RASGEF1C: variants seen among roughly 807,000 people sequenced by gnomAD.
The protein encoded by RASGEF1C is ras-GEF domain-containing family member 1C.
Under a neutral mutation model 58.1 loss-of-function variants are expected in RASGEF1C, and 27 were observed. The ratio of observed to expected loss-of-function variants is 0.46; its 90% CI spans 0.34 to 0.64. The LOEUF is 0.64. RASGEF1C is among the 30% of genes least tolerant of loss of function. The pLI is 0.01. For synonymous variants in RASGEF1C, 243 were observed against 246.3 expected (o/e 0.99, Z 0.13); for missense variants, 502 against 605.1 (o/e 0.83, Z 1.79).
intron 8 of RASGEF1C, 74 bp from the exon 9 acceptor site, chr5:180,118,940 A>G (rs539557701): frequency 1.4e-6 from 2 of 1,384,818 alleles, no homozygotes; most frequent in African/African-American, 2.8e-5. Context: ...ACCCCCTTGG[A>G]CTGCACCCTG....
At chr5:180,170,673 T>C (rs1767095115) in intron 1 of RASGEF1C, among the ~76,000 whole-genome samples, 1 of 152,164 alleles carries the variant, frequency 6.6e-6, no homozygotes, top group Non-Finnish European at 1.5e-5. Context: ...GAGCCACACC[T>C]GGCCCCCCAG....
chr5:180,171,670 C>T (rs1042703758), intron 1 of RASGEF1C, among the ~76,000 whole-genome samples: 1 of 152,220 alleles, frequency 6.6e-6, no homozygotes, highest in African/African-American at 2.4e-5. Flanking sequence ...GCAAAAATAG[C>T]CAGTTCTGTC....
rs763304182 is a variant in RASGEF1C at position 180,119,304 on chromosome 5, G to C, written c.907+42C>G. The stretch of plus-strand genomic sequence containing the variant: ...CTGCACCCACTCCGGCCTCTCGGGG[G>C]ACCCGTGCACTGGGGGCCACAGGCC... On this transcript the variant is annotated intron_variant, in intron 8 of 13. Transcript: ENST00000361132. 5.9e-6 allele frequency: 9 copies of C among 1,518,242 alleles called. No individual in the cohort carries two copies. The East Asian group carries it at 1.1e-4, about 19-fold the overall frequency. The allele number at this position is 1,518,242 out of a possible 1,614,324, so 94.0% of individuals were successfully genotyped here. A position where few individuals can be genotyped will look rare whatever the true frequency, so the allele number is the denominator to read the frequency against.
intron 11 of RASGEF1C, among the ~76,000 whole-genome samples, chr5:180,113,791 T>C (rs34435464): frequency 0.033 from 4,472 of 137,454 alleles, 172 homozygotes; most frequent in African/African-American, 0.1. Flanking sequence ...TGGGGATGGA[T>C]GGAGGGACCG....
chr5:180,104,352 T>A (rs1317719211), intron 12 of RASGEF1C, among the ~76,000 whole-genome samples: 1 of 152,186 alleles, frequency 6.6e-6, no homozygotes, highest in Non-Finnish European at 1.5e-5. Flanking sequence ...TGGCCCCTTT[T>A]TGCCCATCTG....
intron 1 of RASGEF1C, among the ~76,000 whole-genome samples, chr5:180,174,480 C>A (rs375022923): frequency 4.9e-4 from 62 of 126,728 alleles, no homozygotes; most frequent in African/African-American, 8.7e-4. Context: ...GTATGTGTGT[C>A]TGTGTGTGCG....
chr5:180,159,398 C>T (rs1766902143), intron 1 of RASGEF1C, among the ~76,000 whole-genome samples: 1 of 152,170 alleles, frequency 6.6e-6, no homozygotes, highest in African/African-American at 2.4e-5. Flanking sequence ...TTTCAGCCTC[C>T]CAAAGCGCTG....
rs972471528 is a variant in RASGEF1C at position 180,140,273 on chromosome 5, G to A, written c.-6-2215C>T. 2.6e-5 allele frequency among the ~76,000 whole-genome samples: 4 copies of A among 152,308 alleles called. 1 individual carries two copies. The highest frequency in any genetic ancestry group is 1.9e-4 in the East Asian group (1 of 5,168). On this transcript the variant is annotated intron_variant, in intron 1 of 13. Transcript: ENST00000361132. Reference sequence around the variant, plus strand: ...GTCCTCCGACCTCCAATCACCCATCGTATCACCAGCTGGGTCCAGGTCTGG... The same window carrying A: ...GTCCTCCGACCTCCAATCACCCATCATATCACCAGCTGGGTCCAGGTCTGG...
intron 1 of RASGEF1C, among the ~76,000 whole-genome samples, chr5:180,147,218 G>A (rs903730060): frequency 7.9e-5 from 12 of 151,190 alleles, no homozygotes; most frequent in East Asian, 5.9e-4. Context: ...CTAGCTAAAG[G>A]TTTGTCAATT....
Position 180,158,102 on chromosome 5 carries a change from G to A in RASGEF1C, c.-6-20044C>T, listed in dbSNP as rs1317690751. 2.0e-5 allele frequency among the ~76,000 whole-genome samples: 3 copies of A among 152,128 alleles called. No individual in the cohort carries two copies. Among genetic ancestry groups the A allele is most frequent in the Non-Finnish European group, 4.4e-5 (3 of 68,024 alleles). On this transcript the variant is annotated intron_variant, in intron 1 of 13. Coordinates refer to ENST00000361132, the MANE Select transcript of RASGEF1C (RefSeq NM_175062.4). This position sits in a 1 kb window ranked among gnomAD's most constrained non-coding sequence, Gnocchi z 4.0. ...TCTACTTTCTGCTCAGTTTCGCTGC[G>A]AACCTAAAACTGCTCTAAAAAATAA...
intron 1 of RASGEF1C, among the ~76,000 whole-genome samples, chr5:180,201,842 G>C (rs372041081): frequency 3.3e-5 from 5 of 152,200 alleles, no homozygotes; most frequent in African/African-American, 1.2e-4. Context: ...ATGTGAGGGC[G>C]TGAGGAGAGG....
At chr5:180,173,853 C>A (rs1175098730) in intron 1 of RASGEF1C, among the ~76,000 whole-genome samples, 5 of 150,132 alleles carry the variant, frequency 3.3e-5, no homozygotes, top group Non-Finnish European at 5.9e-5. Flanking sequence ...GCGGAGTTTG[C>A]AGTGAGCTGA....
intron 1 of RASGEF1C, among the ~76,000 whole-genome samples, chr5:180,205,638 A>T (rs1056924538): frequency 6.6e-6 from 1 of 152,164 alleles, no homozygotes; most frequent in African/African-American, 2.4e-5. Flanking sequence ...ATGTTAAAAC[A>T]CAACAAGGAG....
At chr5:180,124,150 T>A (rs188209557) in intron 6 of RASGEF1C, among the ~76,000 whole-genome samples, 1 of 151,482 alleles carries the variant, frequency 6.6e-6, no homozygotes, top group East Asian at 1.9e-4. Context: ...GAGAATGGCA[T>A]GAACCCAGGA....
At chr5:180,130,836 G>A (rs563758311) in intron 4 of RASGEF1C, among the ~76,000 whole-genome samples, 8 of 152,190 alleles carry the variant, frequency 5.3e-5, no homozygotes, top group South Asian at 2.1e-4. Context: ...TCATATGGGC[G>A]GCGGTCCGTC....
chr5:180,140,852 C>T (rs1254032708), intron 1 of RASGEF1C, among the ~76,000 whole-genome samples: 4 of 152,128 alleles, frequency 2.6e-5, no homozygotes, highest in Non-Finnish European at 5.9e-5. Flanking sequence ...TGCAGAGGCT[C>T]GGCGGAGCGG....
intron 6 of RASGEF1C, among the ~76,000 whole-genome samples, chr5:180,121,476 G>T (rs1766171863): frequency 6.6e-6 from 1 of 152,112 alleles, no homozygotes; most frequent in African/African-American, 2.4e-5. Context: ...ACCACGCCCA[G>T]AGAATTTTTT....
chr5:180,113,030 CGGAGGGACCGGGGA>C lies in RASGEF1C; in HGVS notation c.1179+1402_1179+1415del, dbSNP rs1765989006. Among the ~76,000 whole-genome samples, 2 of 129,624 alleles carry C rather than the reference CGGAGGGACCGGGGA, an allele frequency of 1.5e-5. 1 individual carries two copies. Among genetic ancestry groups the C allele is most frequent in the African/African-American group, 5.7e-5 (2 of 34,788 alleles). 85.0% of individuals were successfully genotyped at this position (129,624 alleles called of 152,430 possible). ...GCTGGACGGAGGGACCGGGGATGGA[CGGAGGGACCGGGGA>C]TGGACGGAGGGATCCGGGCTGGACG... On this transcript the variant is annotated intron_variant, in intron 11 of 13. Transcript: ENST00000361132.
At chr5:180,118,179 A>G (rs1766101155) in intron 10 of RASGEF1C, among the ~76,000 whole-genome samples, 1 of 152,204 alleles carries the variant, frequency 6.6e-6, no homozygotes, top group Non-Finnish European at 1.5e-5. Flanking sequence ...GAAACAGAAG[A>G]AATTTTGACA....
Sources: gnomAD v4.1 joint callset for allele counts (sites outside exome capture counted in the v4.1 genomes callset) on GRCh38, gnomAD v4.1.1 for gene constraint, Gnocchi (gnomAD v3.1) non-coding constraint, MANE v1.5 for transcripts, NCBI Gene and HGNC (gene_info 2026-07-23, HGNC 2026-07-21) for gene names.